DOCK8: variants seen among roughly 807,000 people sequenced by gnomAD.
DOCK8 encodes the protein dedicator of cytokinesis 8, also known as dedicator of cytokinesis protein 8.
A neutral mutation model predicts 245.6 loss-of-function variants in DOCK8; 141 were observed. The ratio of observed to expected loss-of-function variants is 0.57; its 90% CI spans 0.50 to 0.66. The LOEUF is 0.66. DOCK8 is among the 30% of genes least tolerant of loss of function. The pLI, the probability that DOCK8 is intolerant of heterozygous loss-of-function variation, is 0.00. For missense variants in DOCK8, 2,965 were observed against 2,603.4 expected, an observed-to-expected ratio of 1.14 and a Z score of -3.02; for synonymous variants, 1,168 against 970.2, an observed-to-expected ratio of 1.20 and a Z score of -3.79.
chr9:250,762 A>G (rs908156077), intron 1 of DOCK8, among the ~76,000 whole-genome samples: 1 of 152,204 alleles, frequency 6.6e-6, no homozygotes, highest in Non-Finnish European at 1.5e-5. Context: ...TAGAAGGTCA[A>G]CACTGCCTGA....
intron 41 of DOCK8, 145 bp downstream of exon 41, chr9:441,562 G>C (rs2057096752): frequency 6.1e-6 from 8 of 1,304,900 alleles, no homozygotes; most frequent in Non-Finnish European, 8.6e-6. Context: ...GAAAAGGGCT[G>C]AAATTCTTCT....
chr9:416,587 AC>A (rs2056023050), intron 29 of DOCK8, among the ~76,000 whole-genome samples: 1 of 152,226 alleles, frequency 6.6e-6, no homozygotes, highest in Non-Finnish European at 1.5e-5. Context: ...GTTACACAGT[AC>A]ATCTATTAAA....
intron 1 of DOCK8, among the ~76,000 whole-genome samples, chr9:260,931 A>G (rs2047903561): frequency 6.6e-6 from 1 of 152,164 alleles, no homozygotes; most frequent in Non-Finnish European, 1.5e-5. Context: ...TGTGTAAATA[A>G]AAATGTGGGA....
intron 11 of DOCK8, among the ~76,000 whole-genome samples, chr9:335,461 G>A (rs1207449056): frequency 6.6e-6 from 1 of 152,068 alleles, no homozygotes; most frequent in East Asian, 1.9e-4. Context: ...TGGAGGAAAG[G>A]GCATTTTGTG....
intron 9 of DOCK8, among the ~76,000 whole-genome samples, chr9:328,904 TTACC>T (rs1207522644): frequency 6.6e-6 from 1 of 151,706 alleles, no homozygotes; most frequent in Non-Finnish European, 1.5e-5. Flanking sequence ...ATCAGGTATT[TTACC>T]TACCTTAGGC....
chr9:405,431 C>T (rs912320772), intron 27 of DOCK8, among the ~76,000 whole-genome samples: 1 of 152,130 alleles, frequency 6.6e-6, no homozygotes, highest in Non-Finnish European at 1.5e-5. Context: ...GTTTTGGAAA[C>T]CATGTATTCA....
intron 7 of DOCK8, among the ~76,000 whole-genome samples, chr9:318,372 G>A (rs2050440437): frequency 6.6e-6 from 1 of 152,220 alleles, no homozygotes; most frequent in Admixed American, 6.5e-5. Context: ...GATTCTGGAT[G>A]TAAGGCTGGG....
chr9:275,004 G>A (rs952787847), intron 2 of DOCK8, among the ~76,000 whole-genome samples: 4 of 152,180 alleles, frequency 2.6e-5, no homozygotes, highest in Admixed American at 2.0e-4. Flanking sequence ...TGTTGCTGCT[G>A]TTTTGCAAGA....
chr9:340,061 T>A, intron 13 of DOCK8, 98 bp from the exon 14 acceptor site: 2 of 1,419,400 alleles, frequency 1.4e-6, no homozygotes, highest in Admixed American at 1.8e-5. Flanking sequence ...TATAGTTTGT[T>A]CTTATTTTCA....
At chr9:250,377 C>T (rs2047617239) in intron 1 of DOCK8, among the ~76,000 whole-genome samples, 1 of 152,150 alleles carries the variant, frequency 6.6e-6, no homozygotes, top group Non-Finnish European at 1.5e-5. Context: ...GACATTGTCC[C>T]TTCAAGGAAT....
At chr9:232,910 G>A (rs1283411864) in intron 1 of DOCK8, among the ~76,000 whole-genome samples, 3 of 152,138 alleles carry the variant, frequency 2.0e-5, no homozygotes, top group Non-Finnish European at 4.4e-5. Context: ...GTTCTGCTCT[G>A]ATCTTAGTTA....
chr9:444,826 C>T (rs1026469918), intron 43 of DOCK8, among the ~76,000 whole-genome samples: 2 of 152,186 alleles, frequency 1.3e-5, no homozygotes, highest in Non-Finnish European at 2.9e-5. Flanking sequence ...ATACCACAAG[C>T]TGATGCTGCC....
chr9:269,315 C>CT (rs1363829227), intron 1 of DOCK8, among the ~76,000 whole-genome samples: 1 of 151,998 alleles, frequency 6.6e-6, no homozygotes. Context: ...AACATGTGGT[C>CT]TTTTGGTTTA....
chr9:270,124 C>T (rs966380909), intron 1 of DOCK8, among the ~76,000 whole-genome samples: 1 of 152,196 alleles, frequency 6.6e-6, no homozygotes, highest in Non-Finnish European at 1.5e-5. Flanking sequence ...CCATTTCCCT[C>T]ACGGCTAGTA....
At chr9:235,900 A>T (rs993158360) in intron 1 of DOCK8, among the ~76,000 whole-genome samples, 18 of 152,084 alleles carry the variant, frequency 1.2e-4, no homozygotes, top group Non-Finnish European at 1.8e-4. Context: ...GTTGCGCTGC[A>T]CCCACTGTCC....
intron 42 of DOCK8, 51 bp from the exon 43 acceptor site, chr9:443,376 G>A: frequency 6.5e-7 from 1 of 1,529,532 alleles, no homozygotes; most frequent in Non-Finnish European, 9.1e-7. Flanking sequence ...AAGACAAAGA[G>A]TTGCATTATG....
intron 20 of DOCK8, among the ~76,000 whole-genome samples, chr9:378,699 T>G (rs1483314644): frequency 1.3e-5 from 2 of 152,240 alleles, no homozygotes; most frequent in East Asian, 3.8e-4. Context: ...TTGAGCAGCT[T>G]CTCCATAGCA....
intron 14 of DOCK8, among the ~76,000 whole-genome samples, chr9:344,601 C>T (rs954191025): frequency 6.6e-6 from 1 of 152,096 alleles, no homozygotes; most frequent in Admixed American, 6.6e-5. Context: ...TCTTTTTGTT[C>T]CTTGCCATCT....
Position 293,743 on chromosome 9 carries a change from TTC to T in DOCK8, c.404+4164_404+4165del, listed in dbSNP as rs2049141439. Among the ~76,000 whole-genome samples, 4 of 152,364 alleles carry T rather than the reference TTC, an allele frequency of 2.6e-5. No homozygotes were observed. In the South Asian group the frequency reaches 8.3e-4, roughly 32 times the overall value. Reference sequence around the variant, plus strand: ...CTTCATTTGGATGAGTTTCCAGTTTTTCTGTGTCTTCATAAGTGGTTTACTAG... The same window carrying T: ...CTTCATTTGGATGAGTTTCCAGTTTTTGTGTCTTCATAAGTGGTTTACTAG... On this transcript the variant is annotated intron_variant, in intron 4 of 47. Transcript: ENST00000432829.
Sources: allele counts gnomAD v4.1 joint callset (sites outside exome capture counted in the v4.1 genomes callset), GRCh38; gene constraint gnomAD v4.1.1; transcripts MANE v1.5; gene names NCBI Gene and HGNC (gene_info 2026-07-23, HGNC 2026-07-21).